Variants in KAT2B observed in about 807,000 individuals in gnomAD.
The protein encoded by KAT2B is lysine acetyltransferase 2B.
In KAT2B, 36 loss-of-function variants were observed where a neutral mutation model predicts 105.9. That is an observed-to-expected ratio of 0.34 (90% CI 0.26 to 0.45). The LOEUF is 0.45. KAT2B is among the 20% of genes least tolerant of loss of function. The pLI is 1.00. For missense variants in KAT2B, 820 were observed against 1,021.6 expected (o/e 0.80, Z 2.69); for synonymous variants, 397 against 377.9 (o/e 1.05, Z -0.59).
intron 3 of KAT2B, among the ~76,000 whole-genome samples, chr3:20,097,251 C>A (rs1003513738): frequency 2.0e-5 from 3 of 152,196 alleles, no homozygotes; most frequent in Non-Finnish European, 4.4e-5. Context: ...AAGGTGGTGT[C>A]AAGGTTTCCA....
intron 4 of KAT2B, 51 bp from the exon 5 acceptor site, chr3:20,101,236 A>G (rs757846897): frequency 2.0e-6 from 3 of 1,489,726 alleles, no homozygotes; most frequent in East Asian, 4.5e-5. Flanking sequence ...GGTGTTCAGA[A>G]TTAGTATGAT....
chr3:20,144,286 T>TC (rs1393473444), intron 13 of KAT2B, among the ~76,000 whole-genome samples: 2 of 72,432 alleles, frequency 2.8e-5, no homozygotes, highest in Admixed American at 3.2e-4. Flanking sequence ...CTTTTTTTTT[T>TC]TTTTTTTTTT....
At chr3:20,105,951 T>C (rs1167713612) in intron 5 of KAT2B, among the ~76,000 whole-genome samples, 4 of 152,176 alleles carry the variant, frequency 2.6e-5, no homozygotes, top group Non-Finnish European at 5.9e-5. Context: ...TTATTAGACA[T>C]GTAAGTCTAG....
At chr3:20,133,555 T>G (rs1490442652) in intron 11 of KAT2B, among the ~76,000 whole-genome samples, 1 of 152,252 alleles carries the variant, frequency 6.6e-6, no homozygotes, top group Non-Finnish European at 1.5e-5. Context: ...CCATAATTTA[T>G]GTAATCATTT....
At chr3:20,136,634 G>A (rs1056866982) in intron 11 of KAT2B, among the ~76,000 whole-genome samples, 2 of 151,916 alleles carry the variant, frequency 1.3e-5, no homozygotes, top group Admixed American at 6.6e-5. Context: ...TATTCAGCAA[G>A]TGATCTTTAA....
intron 2 of KAT2B, among the ~76,000 whole-genome samples, chr3:20,086,134 T>C (rs1004971681): frequency 6.6e-6 from 1 of 151,822 alleles, no homozygotes; most frequent in African/African-American, 2.4e-5. Flanking sequence ...TAGCTGGGCA[T>C]GATGGTATGC....
At chr3:20,070,080 C>T (rs1306085953) in intron 1 of KAT2B, among the ~76,000 whole-genome samples, 3 of 152,034 alleles carry the variant, frequency 2.0e-5, no homozygotes, top group South Asian at 2.1e-4. Context: ...AGACAAAAGA[C>T]GGTCACTTGA....
At chr3:20,142,635 T>C (rs1699713111) in intron 13 of KAT2B, among the ~76,000 whole-genome samples, 1 of 152,132 alleles carries the variant, frequency 6.6e-6, no homozygotes, top group South Asian at 2.1e-4. Flanking sequence ...AAGTGCTACT[T>C]TGTGAGTGTT....
At chr3:20,127,639 T>C (rs1699429590) in intron 11 of KAT2B, 90 bp downstream of exon 11, 7 of 1,252,312 alleles carry the variant, frequency 5.6e-6, no homozygotes, top group African/African-American at 3.0e-5. Context: ...CTCTGTGCCA[T>C]GTCCAGAGAA....
At chr3:20,098,534 A>G (rs1220135065) in intron 3 of KAT2B, among the ~76,000 whole-genome samples, 1 of 152,134 alleles carries the variant, frequency 6.6e-6, no homozygotes, top group East Asian at 1.9e-4. Context: ...ACTTTTTTTT[A>G]TATGCACACT....
chr3:20,087,358 AT>A (rs1559308179), intron 2 of KAT2B, among the ~76,000 whole-genome samples: 3 of 152,036 alleles, frequency 2.0e-5, no homozygotes, highest in South Asian at 2.1e-4. Flanking sequence ...AAAATAATTT[AT>A]TTTTTTCGGT....
At chr3:20,046,466 C>G (rs1697813961) in intron 1 of KAT2B, among the ~76,000 whole-genome samples, 1 of 152,106 alleles carries the variant, frequency 6.6e-6, no homozygotes, top group South Asian at 2.1e-4. Flanking sequence ...CCTGTAGTCC[C>G]TAGCTACTCA....
intron 5 of KAT2B, 60 bp downstream of exon 5, chr3:20,101,528 G>A: frequency 7.1e-7 from 1 of 1,402,758 alleles, no homozygotes; most frequent in Non-Finnish European, 1.0e-6. Context: ...ACCTAAAATT[G>A]TACTTGACTC....
chr3:20,047,919 G>T (rs1232551129), intron 1 of KAT2B, among the ~76,000 whole-genome samples: 1 of 152,050 alleles, frequency 6.6e-6, no homozygotes, highest in Non-Finnish European at 1.5e-5. Context: ...CAAGGCCCAT[G>T]AATACCTTTT....
intron 2 of KAT2B, among the ~76,000 whole-genome samples, chr3:20,081,914 CATAT>C (rs145138566): frequency 5.3e-5 from 7 of 131,670 alleles, no homozygotes; most frequent in African/African-American, 2.4e-4. Flanking sequence ...TAGAGAGTCT[CATAT>C]ATATATATAT....
rs1345481723 is a variant in KAT2B at position 20,071,544 on chromosome 3, A to G, written c.304-789A>G. 5.3e-5 allele frequency among the ~76,000 whole-genome samples: 8 copies of G among 152,346 alleles called. No homozygotes were observed. The East Asian group carries it at 1.5e-3, about 29-fold the overall frequency. The stretch of plus-strand genomic sequence containing the variant: ...AAGCATACAGTGTGGTACCTGGTAG[A>G]ATAATTGATAATTTTTCATGCTTGC... On this transcript the variant is annotated intron_variant, in intron 1 of 17. Coordinates refer to ENST00000263754, the MANE Select transcript of KAT2B (RefSeq NM_003884.5).
intron 1 of KAT2B, among the ~76,000 whole-genome samples, chr3:20,045,086 C>T (rs1697784863): frequency 6.6e-6 from 1 of 152,224 alleles, no homozygotes; most frequent in South Asian, 2.1e-4. Context: ...GTGATCTTGG[C>T]TCACTGCAAC....
At chr3:20,062,251 TAAA>T (rs377245488) in intron 1 of KAT2B, among the ~76,000 whole-genome samples, 2,063 of 21,840 alleles carry the variant, frequency 0.094, 213 homozygotes, top group African/African-American at 0.13. Context: ...ATATAATATA[TAAA>T]ATATGATATA....
intron 13 of KAT2B, among the ~76,000 whole-genome samples, 158 bp from the exon 14 acceptor site, chr3:20,146,158 T>C (rs183038387): frequency 6.2e-4 from 94 of 152,364 alleles, no homozygotes; most frequent in African/African-American, 2.1e-3. Context: ...TAATATAATC[T>C]GTTCATTTCT....
Sources: gnomAD v4.1 joint callset for allele counts (sites outside exome capture counted in the v4.1 genomes callset) on GRCh38, gnomAD v4.1.1 for gene constraint, MANE v1.5 for transcripts, NCBI Gene and HGNC (gene_info 2026-07-23, HGNC 2026-07-21) for gene names.